RNF17: variants seen among roughly 807,000 people sequenced by gnomAD.
RNF17 encodes ring finger protein 17, also known as spermatogenesis associated 23.
Under a neutral mutation model 200.5 loss-of-function variants are expected in RNF17, and 31 were observed. The ratio of observed to expected loss-of-function variants is 0.15; its 90% CI spans 0.12 to 0.21. The LOEUF (loss-of-function observed/expected upper bound fraction) is 0.21, where lower values mean the gene tolerates loss of function less well. RNF17 is among the 10% of genes least tolerant of loss of function. RNF17 has a pLI of 1.00. For missense variants in RNF17, 1,628 were observed against 1,905.1 expected (o/e 0.85, Z 2.71); for synonymous variants, 606 against 637.8 (o/e 0.95, Z 0.75).
intron 5 of RNF17, among the ~76,000 whole-genome samples, chr13:24,781,152 A>G (rs1282164535): frequency 2.6e-5 from 4 of 152,076 alleles, no homozygotes; most frequent in Non-Finnish European, 2.9e-5. Flanking sequence ...AAATACTAAG[A>G]TTGTGTAATA....
At chr13:24,882,983 G>A (rs1213903815), downstream of RNF17, 6 of 600,980 alleles carry the variant, frequency 1.0e-5, no homozygotes, top group Non-Finnish European at 1.8e-5. Context: ...GAAAGACAGG[G>A]TAGTGAATTA....
chr13:24,772,360 T>C (rs1327292543), intron 2 of RNF17, among the ~76,000 whole-genome samples: 1 of 151,952 alleles, frequency 6.6e-6, no homozygotes, highest in Non-Finnish European at 1.5e-5. Flanking sequence ...TAGAATTGTA[T>C]TAATTTCATA....
intron 18 of RNF17, among the ~76,000 whole-genome samples, chr13:24,839,063 C>T (rs1176319856): frequency 1.3e-5 from 2 of 152,018 alleles, no homozygotes; most frequent in Non-Finnish European, 2.9e-5. Context: ...GAACTCAACC[C>T]CTTTTACAAT....
chr13:24,823,849 T>G (rs1279249356), intron 15 of RNF17, among the ~76,000 whole-genome samples: 1 of 152,224 alleles, frequency 6.6e-6, no homozygotes, highest in East Asian at 1.9e-4. Flanking sequence ...GCATCTGTGC[T>G]TGGTACTCCC....
At chr13:24,838,859 A>G (rs549043942) in intron 18 of RNF17, among the ~76,000 whole-genome samples, 1 of 152,164 alleles carries the variant, frequency 6.6e-6, no homozygotes, top group South Asian at 2.1e-4. Flanking sequence ...GGGCATCCAA[A>G]TCAGTAAAGA....
chr13:24,750,702 G>GT, the RNF17 span: 5 of 152,198 alleles, frequency 3.3e-5, no homozygotes, highest in South Asian at 8.3e-4. Flanking sequence ...TCTGATTTCT[G>GT]TTTTTTATAC....
At chr13:24,815,317 T>A (rs907779516) in intron 15 of RNF17, among the ~76,000 whole-genome samples, 5 of 152,184 alleles carry the variant, frequency 3.3e-5, no homozygotes, top group African/African-American at 1.2e-4. Flanking sequence ...ATTGCTTTTT[T>A]AAATTTCCTC....
intron 2 of RNF17, among the ~76,000 whole-genome samples, chr13:24,771,817 C>T (rs1055089190): frequency 2.2e-4 from 34 of 151,846 alleles, no homozygotes; most frequent in African/African-American, 6.8e-4. Context: ...CCAGTCTGAC[C>T]AACATGGAGA....
intron 2 of RNF17, among the ~76,000 whole-genome samples, chr13:24,773,510 G>C (rs1455306390): frequency 1.3e-5 from 2 of 152,114 alleles, no homozygotes; most frequent in African/African-American, 4.8e-5. Context: ...GGCCACACGT[G>C]GACATAAACG....
At chr13:24,851,592 TTTTGACATCAG>T (rs1363763293) in intron 24 of RNF17, 21 bp downstream of exon 24, 4 of 1,513,958 alleles carry the variant, frequency 2.6e-6, no homozygotes, top group Non-Finnish European at 3.6e-6. Flanking sequence ...TTTTAAAAAA[TTTTGACATCAG>T]TTTGTGATGG....
At position 24,791,377 on chromosome 13, in the gene RNF17, C is replaced by G. The variant is rs759989991; in HGVS notation, c.935+1605C>G. Among the ~76,000 whole-genome samples the G allele has an allele frequency of 3.3e-5, 5 of 152,212 alleles. No individual in the cohort carries two copies. In the South Asian group the frequency reaches 1.0e-3, roughly 32 times the overall value. On this transcript the variant is annotated intron_variant, in intron 9 of 35. Coordinates refer to ENST00000255324, the MANE Select transcript of RNF17 (RefSeq NM_031277.3). ...GGGAAGCATCATCAATGGTTTGTTA[C>G]GCTTTGGTGACTAAGTCGATGGATT...
At chr13:24,883,391 T>A, downstream of RNF17, 1 of 1,541,076 alleles carries the variant, frequency 6.5e-7, no homozygotes, top group Non-Finnish European at 8.8e-7. Context: ...AAAAAAAATA[T>A]GATTTCTTAA....
At chr13:24,869,855 C>T (rs925112476) in intron 31 of RNF17, among the ~76,000 whole-genome samples, 1 of 151,768 alleles carries the variant, frequency 6.6e-6, no homozygotes, top group African/African-American at 2.4e-5. Context: ...GAAGCCTTAA[C>T]TTCCCAGGCT....
At chr13:24,784,873 T>A (rs1248358235) in intron 6 of RNF17, among the ~76,000 whole-genome samples, 2 of 151,630 alleles carry the variant, frequency 1.3e-5, no homozygotes, top group African/African-American at 4.8e-5. Flanking sequence ...GCCCAGCTAA[T>A]TTTTTTTGTA....
downstream of RNF17, chr13:24,882,911 C>A: frequency 2.2e-6 from 1 of 450,352 alleles, no homozygotes; most frequent in South Asian, 2.3e-5. Context: ...ATAAACACAC[C>A]CACTTACTGT....
At chr13:24,800,584 G>A (rs1474842053) in intron 13 of RNF17, 50 bp downstream of exon 13, 17 of 1,510,586 alleles carry the variant, frequency 1.1e-5, no homozygotes, top group Non-Finnish European at 1.5e-5. Flanking sequence ...TACAATTTTA[G>A]CTATGTATTG....
intron 7 of RNF17, among the ~76,000 whole-genome samples, chr13:24,788,531 A>G (rs955283940): frequency 3.9e-5 from 6 of 152,096 alleles, no homozygotes; most frequent in African/African-American, 1.4e-4. Context: ...ATAGGACTCT[A>G]TTTTGTTCAC....
chr13:24,789,300 T>C (rs1883536292), intron 7 of RNF17, 48 bp from the exon 8 acceptor site: 1 of 1,213,622 alleles, frequency 8.2e-7, no homozygotes, highest in African/African-American at 1.5e-5. Context: ...TGTTCAGCAA[T>C]ATTTGTGACA....
chr13:24,764,888 GGTGTGTGTGTGTGTGTGTGTGTGTGT>G (rs57755622), intron 1 of RNF17, among the ~76,000 whole-genome samples: 34,066 of 134,120 alleles, frequency 0.25, 4,320 homozygotes, highest in Non-Finnish European at 0.32. Context: ...CACCTTGTGG[GGTGTGTGTGTGTGTGTGTGTGTGTGT>G]GTGTGTGTGT....
Sources: allele counts gnomAD v4.1 joint callset (sites outside exome capture counted in the v4.1 genomes callset), GRCh38; gene constraint gnomAD v4.1.1; transcripts MANE v1.5; gene names NCBI Gene and HGNC (gene_info 2026-07-23, HGNC 2026-07-21).